Variants in PALLD observed in about 807,000 individuals in gnomAD.
PALLD encodes the protein palladin, cytoskeletal associated protein, also known as palladin.
In PALLD, 61 loss-of-function variants were observed where a neutral mutation model predicts 123.5. The ratio of observed to expected loss-of-function variants is 0.49; its 90% CI spans 0.40 to 0.61. The LOEUF (loss-of-function observed/expected upper bound fraction) is 0.61. Ranked by LOEUF, PALLD falls within the 20% of genes least tolerant of loss-of-function variation. The probability of loss-of-function intolerance (pLI) is 0.00; values close to 1 mark genes in which losing one functional copy is unlikely to be tolerated. For missense variants in PALLD, 1,273 were observed against 1,377.0 expected (o/e 0.92, Z 1.20); for synonymous variants, 465 against 496.4 (o/e 0.94, Z 0.84).
rs547025322 is a variant in PALLD at position 168,613,021 on chromosome 4, T to C, written c.909-55169T>C. Among the ~76,000 whole-genome samples the C allele has an allele frequency of 5.4e-4, 82 of 152,306 alleles. 3 individuals are homozygous for C. The South Asian group carries it at 0.017, about 31-fold the overall frequency. On this transcript the variant is annotated intron_variant, in intron 2 of 21. Coordinates refer to ENST00000505667, the MANE Select transcript of PALLD (RefSeq NM_001166108.2). ...TGAAGTTTCTGCTTCCTGAATACCT[T>C]TTCCCCCATCAACTTCCTTCAGTAA...
chr4:168,799,533 T>C (rs865942269), intron 10 of PALLD, among the ~76,000 whole-genome samples: 2 of 152,322 alleles, frequency 1.3e-5, no homozygotes, highest in Middle Eastern at 3.4e-3. Context: ...AATTTGGGAA[T>C]AGGGTTTGGA....
chr4:168,665,765 G>T (rs1208233369), intron 2 of PALLD, among the ~76,000 whole-genome samples: 1 of 152,140 alleles, frequency 6.6e-6, no homozygotes, highest in Non-Finnish European at 1.5e-5. Flanking sequence ...CAAGCTTCCA[G>T]GTGATGCTGA....
intron 2 of PALLD, among the ~76,000 whole-genome samples, chr4:168,554,494 G>C (rs541148287): frequency 3.5e-4 from 54 of 152,160 alleles, no homozygotes; most frequent in Non-Finnish European, 6.3e-4. Flanking sequence ...GCCAATCCGT[G>C]GTCACCACAG....
intron 10 of PALLD, among the ~76,000 whole-genome samples, chr4:168,728,513 T>A (rs894962250): frequency 5.3e-5 from 8 of 152,202 alleles, no homozygotes; most frequent in Admixed American, 2.0e-4. Context: ...TGGACATTAC[T>A]GGTGTATAGA....
intron 1 of PALLD, among the ~76,000 whole-genome samples, chr4:168,502,711 G>C (rs1041736631): frequency 9.2e-5 from 14 of 151,984 alleles, no homozygotes; most frequent in African/African-American, 3.4e-4. Context: ...ACTGGCATAG[G>C]CGAAAAAGGG....
Position 168,921,713 on chromosome 4 carries a change from C to T in PALLD, c.3030C>T (p.Asn1010=). 6.2e-7 allele frequency: 1 copy of T among 1,611,612 alleles called. No individual in the cohort carries two copies. Among genetic ancestry groups the T allele is most frequent in the Non-Finnish European group, 8.5e-7 (1 of 1,179,768 alleles). ...TAGCTACCAACCGAGCAGGACAGAA[C>T]TCATTCAGCCTGGAGCTTGTGGTTG... ...TCIATNRAGQ[N]SFSLELVVAA... The change falls in exon 18 of 22, where the codon AAC becomes AAT. Residue 1010 remains asparagine (N), a synonymous_variant. Transcript: ENST00000505667.
rs547436462 is a variant in PALLD at position 168,770,386 on chromosome 4, A to G, written c.1964+58463A>G. Among the ~76,000 whole-genome samples the G allele has an allele frequency of 3.5e-4, 54 of 152,286 alleles. No individual in the cohort carries two copies. The South Asian group carries it at 0.011, about 31-fold the overall frequency. ...GGGCTATTGGAGGTTCACACAGTCA[A>G]TAACCACTGAACTGCACCCGTGGGT... On this transcript the variant is annotated intron_variant, in intron 10 of 21. Coordinates refer to ENST00000505667, the MANE Select transcript of PALLD (RefSeq NM_001166108.2).
At chr4:168,632,045 G>A (rs947607506) in intron 2 of PALLD, 35 of 395,488 alleles carry the variant, frequency 8.8e-5, no homozygotes, top group African/African-American at 8.2e-4. Context: ...TTCCGCCACG[G>A]TTTTCCTAAT....
intron 2 of PALLD, among the ~76,000 whole-genome samples, chr4:168,535,396 G>A (rs1344205083): frequency 6.6e-6 from 1 of 152,154 alleles, no homozygotes; most frequent in Non-Finnish European, 1.5e-5. Context: ...AAAAGATTCA[G>A]TATTCAAACT....
At chr4:168,579,905 G>A (rs1770059828) in intron 2 of PALLD, among the ~76,000 whole-genome samples, 1 of 151,706 alleles carries the variant, frequency 6.6e-6, no homozygotes, top group South Asian at 2.1e-4. Context: ...GAATACTTCA[G>A]GTCTACTCTC....
At chr4:168,767,084 A>G (rs556101021) in intron 10 of PALLD, among the ~76,000 whole-genome samples, 2 of 152,324 alleles carry the variant, frequency 1.3e-5, no homozygotes, top group East Asian at 3.9e-4. Context: ...TATGGTCCCT[A>G]GAATTGGATG....
At chr4:168,661,748 T>C (rs1779157510) in intron 2 of PALLD, among the ~76,000 whole-genome samples, 1 of 152,224 alleles carries the variant, frequency 6.6e-6, no homozygotes, top group Admixed American at 6.5e-5. Flanking sequence ...CATAGATACA[T>C]GTTTTGATGA....
intron 10 of PALLD, among the ~76,000 whole-genome samples, chr4:168,803,950 T>C (rs1372131305): frequency 6.6e-6 from 1 of 152,148 alleles, no homozygotes; most frequent in Non-Finnish European, 1.5e-5. Flanking sequence ...AAAGGATTCC[T>C]GGGAATGCTG....
chr4:168,520,252 G>C (rs1763407864), intron 2 of PALLD, among the ~76,000 whole-genome samples: 1 of 151,026 alleles, frequency 6.6e-6, no homozygotes. Context: ...CTTGAATCCG[G>C]GAGGCGGAGC....
At chr4:168,775,795 T>C (rs112966911) in intron 10 of PALLD, among the ~76,000 whole-genome samples, 2 of 152,348 alleles carry the variant, frequency 1.3e-5, no homozygotes, top group Non-Finnish European at 2.9e-5. Flanking sequence ...GAAAAGACTG[T>C]CTTTTCCTCC....
intron 10 of PALLD, among the ~76,000 whole-genome samples, chr4:168,716,230 A>C (rs1041891376): frequency 6.6e-6 from 1 of 152,076 alleles, no homozygotes; most frequent in East Asian, 1.9e-4. Context: ...CAAAATGAGA[A>C]CTCCAAAGGG....
rs190759064 is a variant in PALLD at position 168,553,746 on chromosome 4, G to A, written c.908+41334G>A. ...GTTTTTTTGGACTGTTTTTCCTTAT[G>A]TCTAACTTAGATTCTGATAAGCACC... is the stretch of plus-strand genomic sequence containing the variant. On this transcript the variant is annotated intron_variant, in intron 2 of 21. Coordinates refer to ENST00000505667, the MANE Select transcript of PALLD (RefSeq NM_001166108.2). Among the ~76,000 whole-genome samples the A allele has an allele frequency of 4.6e-3, 700 of 152,084 alleles. 4 individuals carry two copies. The highest frequency in any genetic ancestry group is 8.2e-3 in the Non-Finnish European group (557 of 67,982).
intron 10 of PALLD, among the ~76,000 whole-genome samples, chr4:168,793,005 G>C (rs1322685949): frequency 1.3e-5 from 2 of 151,502 alleles, no homozygotes; most frequent in Non-Finnish European, 2.9e-5. Flanking sequence ...GACCTCAAAT[G>C]ATCCACACAC....
At chr4:168,887,324 G>A (rs1753512553) in intron 10 of PALLD, among the ~76,000 whole-genome samples, 1 of 152,102 alleles carries the variant, frequency 6.6e-6, no homozygotes, top group South Asian at 2.1e-4. Context: ...CAAGGAACAG[G>A]ACTTATTCTA....
Sources: gnomAD v4.1 joint callset for allele counts (sites outside exome capture counted in the v4.1 genomes callset) on GRCh38, gnomAD v4.1.1 for gene constraint, MANE v1.5 for transcripts, NCBI Gene and HGNC (gene_info 2026-07-23, HGNC 2026-07-21) for gene names.